GALNT13: variants seen among roughly 807,000 people sequenced by gnomAD.
The protein encoded by GALNT13 is UDP-GalNAc:polypeptide N-acetylgalactosaminyltransferase 13.
GALNT13 carries 28 observed loss-of-function variants against 64.2 expected under a neutral mutation model. The ratio of observed to expected loss-of-function variants is 0.44; its 90% confidence interval spans 0.32 to 0.60. GALNT13 has a LOEUF of 0.60. Among genes scored for constraint, GALNT13 ranks in the 20% least tolerant of loss-of-function variants. GALNT13 has a pLI of 0.05. For synonymous variants in GALNT13, 214 were observed against 224.6 expected, an observed-to-expected ratio of 0.95 and a Z score of 0.42; for missense variants, 577 against 669.8, an observed-to-expected ratio of 0.86 and a Z score of 1.53.
At chr2:154,317,770 A>G (rs751461729) in intron 9 of GALNT13, among the ~76,000 whole-genome samples, 3 of 152,064 alleles carry the variant, frequency 2.0e-5, no homozygotes, top group Non-Finnish European at 4.4e-5. Context: ...TGATTTTTGA[A>G]CAATAAATTA....
At chr2:154,053,047 A>G (rs1184555405) in intron 3 of GALNT13, among the ~76,000 whole-genome samples, 2 of 151,988 alleles carry the variant, frequency 1.3e-5, no homozygotes, top group South Asian at 2.1e-4. Context: ...GCCAGAATTG[A>G]CTATTTTTTG....
At chr2:153,492,691 A>G in the GALNT13 span, among the ~76,000 whole-genome samples, 3 of 152,194 alleles carry the variant, frequency 2.0e-5, no homozygotes, top group Admixed American at 1.3e-4. Flanking sequence ...ATAAGTGGCA[A>G]TAGTCTTGAC....
intron 3 of GALNT13, among the ~76,000 whole-genome samples, chr2:154,079,276 AAG>A (rs1701148942): frequency 6.6e-6 from 1 of 151,656 alleles, no homozygotes; most frequent in Non-Finnish European, 1.5e-5. Flanking sequence ...TATCATTAAA[AAG>A]CTTTTAGAAA....
At chr2:154,020,249 G>C (rs1697350358) in intron 3 of GALNT13, among the ~76,000 whole-genome samples, 1 of 152,224 alleles carries the variant, frequency 6.6e-6, no homozygotes. Flanking sequence ...GGTATTTCTA[G>C]TTCTAGATCC....
At chr2:153,454,152 A>C in the GALNT13 span, among the ~76,000 whole-genome samples, 1 of 152,246 alleles carries the variant, frequency 6.6e-6, no homozygotes, top group African/African-American at 2.4e-5. Flanking sequence ...AAGTCTTGAA[A>C]CCCTAACTAT....
chr2:153,456,113 T>G, the GALNT13 span, among the ~76,000 whole-genome samples: 5 of 152,058 alleles, frequency 3.3e-5, no homozygotes, highest in Non-Finnish European at 7.4e-5. Flanking sequence ...AGACACATGA[T>G]GGGGCAGGGG....
intron 8 of GALNT13, among the ~76,000 whole-genome samples, chr2:154,266,279 C>T (rs1690994266): frequency 6.6e-6 from 1 of 152,026 alleles, no homozygotes; most frequent in Admixed American, 6.6e-5. Context: ...GGCACAGCAA[C>T]AAGGTCGGAA....
At chr2:154,211,552 C>T (rs1278024933) in intron 4 of GALNT13, among the ~76,000 whole-genome samples, 2 of 143,976 alleles carry the variant, frequency 1.4e-5, no homozygotes, top group African/African-American at 2.6e-5. Flanking sequence ...CGATTGAACC[C>T]GGGAGGCAGA....
chr2:153,333,351 T>C, the GALNT13 span, among the ~76,000 whole-genome samples: 1 of 152,184 alleles, frequency 6.6e-6, no homozygotes, highest in African/African-American at 2.4e-5. Flanking sequence ...GGAGGTGCTC[T>C]TCCTCTCTCA....
chr2:154,099,431 ATCTG>A (rs1377441458), intron 3 of GALNT13, among the ~76,000 whole-genome samples: 1 of 152,064 alleles, frequency 6.6e-6, no homozygotes, highest in Admixed American at 6.6e-5. Flanking sequence ...CTTAAGTCCC[ATCTG>A]TCTATTTCTG....
At chr2:153,478,988 T>G in the GALNT13 span, among the ~76,000 whole-genome samples, 1 of 152,248 alleles carries the variant, frequency 6.6e-6, no homozygotes, top group Non-Finnish European at 1.5e-5. Flanking sequence ...AACCTGGTCT[T>G]GCTTTTTATT....
intron 3 of GALNT13, among the ~76,000 whole-genome samples, chr2:154,135,750 C>G (rs1465198077): frequency 6.6e-6 from 1 of 152,028 alleles, no homozygotes; most frequent in African/African-American, 2.4e-5. Flanking sequence ...ATCCCTTGAG[C>G]CCAGAAGTTC....
At chr2:153,557,908 G>GTAT in the GALNT13 span, among the ~76,000 whole-genome samples, 1 of 152,066 alleles carries the variant, frequency 6.6e-6, no homozygotes, top group South Asian at 2.1e-4. Context: ...TACTAACTGT[G>GTAT]CCCAGAGTAT....
At chr2:153,784,371 A>G in the GALNT13 span, among the ~76,000 whole-genome samples, 1 of 152,210 alleles carries the variant, frequency 6.6e-6, no homozygotes, top group Admixed American at 6.5e-5. Context: ...AACTTGAAAG[A>G]GATGATTTAT....
the GALNT13 span, among the ~76,000 whole-genome samples, chr2:153,434,469 C>T: frequency 5.3e-5 from 8 of 152,328 alleles, no homozygotes; most frequent in South Asian, 4.1e-4. Flanking sequence ...GTTCCTGTTT[C>T]TCCACATCCT....
chr2:154,173,926 C>G (rs899281846), intron 4 of GALNT13, among the ~76,000 whole-genome samples: 1 of 151,952 alleles, frequency 6.6e-6, no homozygotes, highest in Non-Finnish European at 1.5e-5. Context: ...GGGGAATGCC[C>G]ACACACTGTT....
chr2:153,147,327 C>T, the GALNT13 span, among the ~76,000 whole-genome samples: 19 of 149,336 alleles, frequency 1.3e-4, no homozygotes, highest in African/African-American at 9.7e-5. Flanking sequence ...CAGGGGCAGC[C>T]GGGACAAAAA....
At chr2:154,293,045 C>A (rs554929233) in intron 8 of GALNT13, among the ~76,000 whole-genome samples, 34 of 152,170 alleles carry the variant, frequency 2.2e-4, no homozygotes, top group Middle Eastern at 6.8e-3. Context: ...TATCTGAGAA[C>A]AAAGACAAGC....
the GALNT13 span, among the ~76,000 whole-genome samples, chr2:153,648,958 A>G: frequency 6.6e-6 from 1 of 152,132 alleles, no homozygotes; most frequent in East Asian, 1.9e-4. Flanking sequence ...AGGCTTTGGT[A>G]TCAGGATGAT....
Sources: allele counts gnomAD v4.1 joint callset (sites outside exome capture counted in the v4.1 genomes callset), GRCh38; gene constraint gnomAD v4.1.1; transcripts MANE v1.5; gene names NCBI Gene and HGNC (gene_info 2026-07-23, HGNC 2026-07-21).